Variants in GLIS3 observed in about 807,000 individuals in gnomAD.
GLIS3 encodes the protein GLIS family zinc finger 3.
A neutral mutation model predicts 78.6 loss-of-function variants in GLIS3; 53 were observed. That is an observed-to-expected ratio of 0.67 (90% confidence interval 0.54 to 0.85). The LOEUF (loss-of-function observed/expected upper bound fraction) is 0.85, where lower values mean the gene tolerates loss of function less well. Ranked by LOEUF, GLIS3 falls within the 40% of genes least tolerant of loss-of-function variation. GLIS3 has a pLI of 0.00. For missense variants in GLIS3, 1,703 were observed against 1,231.1 expected (o/e 1.38, Z -5.74); for synonymous variants, 684 against 509.9 (o/e 1.34, Z -4.60).
intron 2 of GLIS3, among the ~76,000 whole-genome samples, chr9:4,346,421 G>A (rs1440484269): frequency 6.6e-6 from 1 of 152,128 alleles, no homozygotes; most frequent in African/African-American, 2.4e-5. Flanking sequence ...AAAACTCATT[G>A]ATTAAAAGGA....
At chr9:3,963,501 G>T (rs1817716865) in intron 4 of GLIS3, among the ~76,000 whole-genome samples, 1 of 152,106 alleles carries the variant, frequency 6.6e-6, no homozygotes, top group Non-Finnish European at 1.5e-5. Context: ...TTTGGTGCTT[G>T]GCCAAGTGGC....
chr9:4,091,532 AACACAC>A (rs111412514), intron 4 of GLIS3, among the ~76,000 whole-genome samples: 1 of 79,704 alleles, frequency 1.3e-5, no homozygotes, highest in Non-Finnish European at 3.1e-5. Flanking sequence ...CGTGCACACA[AACACAC>A]ACACACACAA....
At chr9:4,007,486 C>T (rs939182901) in intron 4 of GLIS3, among the ~76,000 whole-genome samples, 1 of 152,090 alleles carries the variant, frequency 6.6e-6, no homozygotes, top group African/African-American at 2.4e-5. Context: ...AGAGATGTAT[C>T]AATCTTTGCT....
chr9:4,072,969 A>G lies in GLIS3; in HGVS notation c.1710+44799T>C, dbSNP rs184190354. On this transcript the variant is annotated intron_variant, in intron 4 of 10. Coordinates refer to ENST00000381971, the MANE Select transcript of GLIS3 (RefSeq NM_001042413.2). ...AAAGCATATGCTTTAACTATACAGC[A>G]TGATGTTTGTATTTATAATTCTTTT... 4.2e-3 allele frequency among the ~76,000 whole-genome samples: 645 copies of G among 152,146 alleles called. 6 individuals are homozygous for G. The highest frequency in any genetic ancestry group is 6.1e-3 in the Non-Finnish European group (417 of 68,018).
chr9:3,944,324 A>T (rs936500957), intron 4 of GLIS3, among the ~76,000 whole-genome samples: 1 of 152,248 alleles, frequency 6.6e-6, no homozygotes, highest in Non-Finnish European at 1.5e-5. Flanking sequence ...GGTTCTGGGG[A>T]CAAATGGAAC....
intron 5 of GLIS3, 120 bp from the exon 6 acceptor site, chr9:3,932,590 T>C (rs1825686831): frequency 8.0e-6 from 6 of 750,738 alleles, no homozygotes; most frequent in Admixed American, 1.9e-5. Flanking sequence ...TGATGTGAAA[T>C]GCTAGCTAAT....
At chr9:4,239,462 G>C (rs1468453255) in intron 2 of GLIS3, among the ~76,000 whole-genome samples, 1 of 151,974 alleles carries the variant, frequency 6.6e-6, no homozygotes, top group Non-Finnish European at 1.5e-5. Flanking sequence ...TGCAGGGTTG[G>C]GGCTATTCCT....
intron 2 of GLIS3, among the ~76,000 whole-genome samples, chr9:4,330,269 G>A (rs985742908): frequency 1.3e-5 from 2 of 152,196 alleles, no homozygotes; most frequent in Non-Finnish European, 2.9e-5. Context: ...ATACTTTGGT[G>A]CACATTCAAA....
intron 4 of GLIS3, among the ~76,000 whole-genome samples, chr9:4,025,156 G>A (rs963085810): frequency 6.6e-6 from 1 of 152,052 alleles, no homozygotes; most frequent in African/African-American, 2.4e-5. Context: ...GGAGGCTGAG[G>A]CAGGAGAATC....
At chr9:4,185,796 T>C (rs1321676723) in intron 2 of GLIS3, among the ~76,000 whole-genome samples, 2 of 152,060 alleles carry the variant, frequency 1.3e-5, no homozygotes, top group African/African-American at 2.4e-5. Context: ...CCCTCACTCT[T>C]CTCCTTTCAT....
intron 4 of GLIS3, among the ~76,000 whole-genome samples, chr9:3,979,394 T>TTGTCTTAACACTGTCTTAACAG (rs1819052884): frequency 6.6e-6 from 1 of 152,244 alleles, no homozygotes; most frequent in Non-Finnish European, 1.5e-5. Context: ...ATCCTTCATG[T>TTGTCTTAACACTGTCTTAACAG]TGTCTTAACA....
intron 2 of GLIS3, among the ~76,000 whole-genome samples, chr9:4,222,817 C>T (rs565051439): frequency 1.2e-4 from 19 of 152,324 alleles, no homozygotes; most frequent in Admixed American, 7.2e-4. Context: ...AGATAAAAGA[C>T]ATCAAATTCA....
At chr9:3,855,607 C>A in intron 9 of GLIS3, 1 of 277,948 alleles carries the variant, frequency 3.6e-6, no homozygotes, top group Non-Finnish European at 7.0e-6. Flanking sequence ...CCACCTGCGC[C>A]TTGAAGGACG....
chr9:4,091,629 T>C (rs1047077326), intron 4 of GLIS3, among the ~76,000 whole-genome samples: 2 of 152,264 alleles, frequency 1.3e-5, no homozygotes, highest in Admixed American at 1.3e-4. Flanking sequence ...GATTTTGTTG[T>C]ATAAACAGCA....
intron 2 of GLIS3, among the ~76,000 whole-genome samples, chr9:4,130,745 C>A (rs903171277): frequency 6.6e-6 from 1 of 152,150 alleles, no homozygotes; most frequent in Non-Finnish European, 1.5e-5. Context: ...TCTAGGGAGG[C>A]GTGGAGGTGA....
intron 2 of GLIS3, among the ~76,000 whole-genome samples, chr9:4,280,652 T>G (rs186078100): frequency 1.3e-4 from 20 of 152,274 alleles, no homozygotes; most frequent in Admixed American, 2.6e-4. Context: ...TAAATGGGAA[T>G]AGCTGGGTAG....
chr9:4,356,640 C>A, the GLIS3 span, among the ~76,000 whole-genome samples: 186 of 152,334 alleles, frequency 1.2e-3, no homozygotes, highest in Non-Finnish European at 2.2e-3. Context: ...GCAGATTCAA[C>A]AGAGTGCATC....
At chr9:3,867,658 C>T (rs1297097001) in intron 8 of GLIS3, among the ~76,000 whole-genome samples, 10 of 152,108 alleles carry the variant, frequency 6.6e-5, no homozygotes, top group Non-Finnish European at 8.8e-5. Flanking sequence ...AATTTTCTGC[C>T]TCTGTACTGC....
intron 8 of GLIS3, among the ~76,000 whole-genome samples, chr9:3,872,506 G>C (rs927847083): frequency 6.6e-6 from 1 of 152,214 alleles, no homozygotes; most frequent in Admixed American, 6.5e-5. Flanking sequence ...TTGTAAGGAG[G>C]AGCAACTCCC....
Sources: allele counts gnomAD v4.1 joint callset (sites outside exome capture counted in the v4.1 genomes callset), GRCh38; gene constraint gnomAD v4.1.1; transcripts MANE v1.5; gene names NCBI Gene and HGNC (gene_info 2026-07-23, HGNC 2026-07-21).